LHX4: variants seen among roughly 807,000 people sequenced by gnomAD.
LHX4 encodes LIM homeobox 4.
In LHX4, 16 loss-of-function variants were observed where a neutral mutation model predicts 39.2. The ratio of observed to expected loss-of-function variants is 0.41; its 90% CI spans 0.28 to 0.62. The LOEUF is 0.62. LHX4 is among the 20% of genes least tolerant of loss of function. The probability of loss-of-function intolerance (pLI) is 0.33; values close to 1 mark genes in which losing one functional copy is unlikely to be tolerated. For synonymous variants in LHX4, 206 were observed against 198.1 expected, an observed-to-expected ratio of 1.04 and a Z score of -0.33; for missense variants, 439 against 511.9, an observed-to-expected ratio of 0.86 and a Z score of 1.37.
At chr1:180,231,438 T>C (rs940278854) in intron 1 of LHX4, among the ~76,000 whole-genome samples, 2 of 151,244 alleles carry the variant, frequency 1.3e-5, no homozygotes, top group African/African-American at 4.9e-5. Context: ...TCTCTCTGTG[T>C]GTATGGGTGT....
At chr1:180,248,139 C>A in intron 1 of LHX4, 146 bp from the exon 2 acceptor site, 1 of 763,304 alleles carries the variant, frequency 1.3e-6, no homozygotes, top group Non-Finnish European at 2.3e-6. Context: ...CAATGTATAA[C>A]CTGTACAACT....
chr1:180,271,655 C>A, intron 4 of LHX4, 121 bp downstream of exon 4: 1 of 1,401,226 alleles, frequency 7.1e-7, no homozygotes, highest in Non-Finnish European at 1.0e-6. Context: ...AGGGCTTTTG[C>A]CAGAACTGAA....
chr1:180,266,788 C>T lies in LHX4; in HGVS notation c.451+194C>T, dbSNP rs183425715. 2.2e-4 allele frequency among the ~76,000 whole-genome samples: 33 copies of T among 152,320 alleles called. No individual in the cohort carries two copies. Among genetic ancestry groups the T allele is most frequent in the African/African-American group, 7.5e-4 (31 of 41,572 alleles). On this transcript the variant is annotated intron_variant, in intron 3 of 5. Transcript: ENST00000263726. The surrounding 1 kb of genome is among the most constrained non-coding windows in gnomAD (Gnocchi z 5.7). Reference sequence around the variant, plus strand: ...GAACACCTCCCCGGCCGTTAGCACTCGCCGGCTTCATGGAAGTGTTCATCC... The same window carrying T: ...GAACACCTCCCCGGCCGTTAGCACTTGCCGGCTTCATGGAAGTGTTCATCC...
chr1:180,246,477 C>T (rs534817425), intron 1 of LHX4, among the ~76,000 whole-genome samples: 194 of 152,184 alleles, frequency 1.3e-3, no homozygotes, highest in African/African-American at 4.5e-3. Flanking sequence ...TTTGGGAGGC[C>T]GAGGCAGGCG....
In LHX4 at chr1:180,275,147, C is replaced by T. The variant is rs1425122448; in HGVS notation, c.*568C>T. 6.6e-6 allele frequency: 1 copy of T among 152,284 alleles called. No homozygotes were observed. Among genetic ancestry groups the T allele is most frequent in the African/African-American group, 2.4e-5 (1 of 41,466 alleles). 9.4% of individuals were successfully genotyped at this position (152,284 alleles called of 1,614,324 possible). On this transcript the variant is annotated 3_prime_UTR_variant, in exon 6 of 6. Transcript: ENST00000263726. ...GTTTGATATTAAAAACATGCCCCCT[C>T]CTTTTTTATTTTTGCTGTGAAGATA... is the stretch of plus-strand genomic sequence containing the variant.
Position 180,257,695 on chromosome 1 carries a change from G to A in LHX4, c.249-8697G>A, listed in dbSNP as rs182824702. 2.6e-4 allele frequency among the ~76,000 whole-genome samples: 39 copies of A among 152,218 alleles called. 1 individual carries two copies. In the East Asian group the frequency reaches 6.4e-3, roughly 25 times the overall value. Reference sequence around the variant, plus strand: ...AGTGTCAGCTGGGAAAAAAATATACGGCCAGCAGTAAATCACCGCCAAGCA... The same window carrying A: ...AGTGTCAGCTGGGAAAAAAATATACAGCCAGCAGTAAATCACCGCCAAGCA... On this transcript the variant is annotated intron_variant, in intron 2 of 5. Coordinates refer to ENST00000263726, the MANE Select transcript of LHX4 (RefSeq NM_033343.4).
chr1:180,265,474 G>A (rs1648274768), intron 2 of LHX4, among the ~76,000 whole-genome samples: 1 of 152,134 alleles, frequency 6.6e-6, no homozygotes. Flanking sequence ...AATGGGGAAA[G>A]GGAGTGGAAA....
At chr1:180,229,960 G>C (rs1571249529), upstream of LHX4, among the ~76,000 whole-genome samples, 2 of 42,072 alleles carry the variant, frequency 4.8e-5, no homozygotes, top group Admixed American at 2.2e-4. Flanking sequence ...AGGCGGAGGC[G>C]GGGAGGGGGG....
At chr1:180,259,271 G>C (rs1647999397) in intron 2 of LHX4, among the ~76,000 whole-genome samples, 1 of 152,160 alleles carries the variant, frequency 6.6e-6, no homozygotes, top group African/African-American at 2.4e-5. Context: ...GCACTGCCTT[G>C]AAGGGTGCAG....
In LHX4 at chr1:180,271,700, T is replaced by C. The variant is rs1249592182; in HGVS notation, c.607-135T>C. On this transcript the variant is annotated intron_variant, in intron 4 of 5. Transcript: ENST00000263726. Reference sequence around the variant, plus strand: ...CTGAGGCCCACCTGGGGAGAGGGGGTGGGGCGCATCGCACTCCCAGACCTG... The same window carrying C: ...CTGAGGCCCACCTGGGGAGAGGGGGCGGGGCGCATCGCACTCCCAGACCTG... 4.7e-6 allele frequency: 6 copies of C among 1,280,736 alleles called. No homozygotes were observed. The Admixed American group carries it at 8.5e-5, about 18-fold the overall frequency. 79.3% of individuals were successfully genotyped at this position (1,280,736 alleles called of 1,614,324 possible).
chr1:180,246,359 T>C (rs1647381991), intron 1 of LHX4, among the ~76,000 whole-genome samples: 1 of 152,198 alleles, frequency 6.6e-6, no homozygotes, highest in Non-Finnish European at 1.5e-5. Flanking sequence ...TTGAGGGTAA[T>C]TCCTTTATGT....
Position 180,274,551 on chromosome 1 carries a change from T to A in LHX4, c.1145T>A (p.Leu382His). 2 of 1,592,570 alleles carry A rather than the reference T, an allele frequency of 1.3e-6. No individual in the cohort carries two copies. Among genetic ancestry groups the A allele is most frequent in the Non-Finnish European group, 1.7e-6 (2 of 1,169,226 alleles). The change falls in exon 6 of 6, where the codon CTC becomes CAC. Residue 382 changes from leucine to histidine, a missense_variant. Leu to His is a moderately conservative substitution (Grantham distance 99). Coordinates refer to ENST00000263726, the MANE Select transcript of LHX4 (RefSeq NM_033343.4). ...TTTCCAACTAGCCCAGGCTCTTGGCTCGATGAAATGGATCATCCTCCTTTT... is the reference window on the plus strand; with the variant it reads ...TTTCCAACTAGCCCAGGCTCTTGGCACGATGAAATGGATCATCCTCCTTTT... ...PDFPTSPGSW[L>H]DEMDHPPF
At chr1:180,256,232 C>T (rs957111243) in intron 2 of LHX4, among the ~76,000 whole-genome samples, 15 of 152,358 alleles carry the variant, frequency 9.8e-5, no homozygotes, top group South Asian at 2.1e-4. Context: ...CTTCCCTCCG[C>T]CCATCTGGTC....
intron 1 of LHX4, among the ~76,000 whole-genome samples, chr1:180,244,950 C>T (rs1053199755): frequency 7.9e-5 from 12 of 152,232 alleles, no homozygotes; most frequent in African/African-American, 2.7e-4. Context: ...AGCCTCCTGC[C>T]ACGGCTGTGC....
rs1212032310 is a variant in LHX4, at chr1:180,232,659, C to G, written c.76+2054C>G. 6.6e-6 allele frequency among the ~76,000 whole-genome samples: 1 copy of G among 152,252 alleles called. No homozygotes were observed. Among genetic ancestry groups the G allele is most frequent in the East Asian group, 1.9e-4 (1 of 5,200 alleles). On this transcript the variant is annotated intron_variant, in intron 1 of 5. Coordinates refer to ENST00000263726, the MANE Select transcript of LHX4 (RefSeq NM_033343.4). The surrounding 1 kb of genome is among the most constrained non-coding windows in gnomAD (Gnocchi z 5.4). ...TGAGGGGCCCACTCCCTGAAGACTT[C>G]TGGATCCAGCTTTTATTTCCTCTTG...
Position 180,266,621 on chromosome 1 carries a change from C to T in LHX4, c.451+27C>T, listed in dbSNP as rs777054875. The stretch of plus-strand genomic sequence containing the variant: ...TAAGCAGCATGGCCCCGCATGGTCC[C>T]CTCTCCAGGCCTTTGTTTGGGCCAC... On this transcript the variant is annotated intron_variant, in intron 3 of 5. Transcript: ENST00000263726. The surrounding 1 kb of genome is among the most constrained non-coding windows in gnomAD (Gnocchi z 5.7). 1 of 1,607,040 alleles carries T rather than the reference C, an allele frequency of 6.2e-7. No homozygotes were observed. Among genetic ancestry groups the T allele is most frequent in the Non-Finnish European group, 8.5e-7 (1 of 1,175,630 alleles).
intron 5 of LHX4, among the ~76,000 whole-genome samples, chr1:180,272,347 C>A (rs530065977): frequency 2.2e-3 from 332 of 152,324 alleles, no homozygotes; most frequent in African/African-American, 7.8e-3. Flanking sequence ...CCCCTAGCCC[C>A]TCTCCCATCT....
At chr1:180,247,675 G>T (rs1433569996) in intron 1 of LHX4, among the ~76,000 whole-genome samples, 1 of 152,214 alleles carries the variant, frequency 6.6e-6, no homozygotes, top group African/African-American at 2.4e-5. Flanking sequence ...GGCACATTAG[G>T]ATGAGGTATT....
rs1444686044 is a variant in LHX4, at chr1:180,230,280, C to T, written c.-250C>T. The T allele has an allele frequency of 1.7e-6, 1 of 574,728 alleles. No homozygotes were observed. The highest frequency in any genetic ancestry group is 2.9e-5 in the East Asian group (1 of 33,952). 35.6% of individuals were successfully genotyped at this position (574,728 alleles called of 1,614,324 possible). ...AAAAAAGCCAGAGCTGCAGCAACAG[C>T]GTCTCAACCTGGGATGTGCACCAAC... is the stretch of plus-strand genomic sequence containing the variant. On this transcript the variant is annotated 5_prime_UTR_variant, in exon 1 of 6. Coordinates refer to ENST00000263726, the MANE Select transcript of LHX4 (RefSeq NM_033343.4). This position sits in a 1 kb window ranked among gnomAD's most constrained non-coding sequence, Gnocchi z 5.8.
Sources: gnomAD v4.1 joint callset for allele counts (sites outside exome capture counted in the v4.1 genomes callset) on GRCh38, gnomAD v4.1.1 for gene constraint, Gnocchi (gnomAD v3.1) non-coding constraint, MANE v1.5 for transcripts, NCBI Gene and HGNC (gene_info 2026-07-23, HGNC 2026-07-21) for gene names.